Variants in SEMA6D observed in about 807,000 individuals in gnomAD.
SEMA6D encodes the protein semaphorin 6D.
A neutral mutation model predicts 106.6 loss-of-function variants in SEMA6D; 35 were observed. The observed-to-expected ratio is 0.33, with a 90% CI of 0.25 to 0.44. The LOEUF is 0.44. Among genes scored for constraint, SEMA6D ranks in the 20% least tolerant of loss-of-function variants. SEMA6D has a pLI of 1.00. For missense variants in SEMA6D, 1,185 were observed against 1,345.9 expected, an observed-to-expected ratio of 0.88 and a Z score of 1.87; for synonymous variants, 499 against 487.7, an observed-to-expected ratio of 1.02 and a Z score of -0.31.
At chr15:47,678,246 A>G (rs2078283352) in intron 4 of SEMA6D, among the ~76,000 whole-genome samples, 1 of 152,100 alleles carries the variant, frequency 6.6e-6, no homozygotes, top group Admixed American at 6.6e-5. Context: ...TCATCTAGAG[A>G]TTAAATTATT....
intron 1 of SEMA6D, among the ~76,000 whole-genome samples, chr15:47,747,410 TTATTAATATGTAA>T (rs2081205083): frequency 4.6e-5 from 7 of 152,190 alleles, no homozygotes; most frequent in Admixed American, 3.3e-4. Context: ...CCTTTCTGAA[TTATTAATATGTAA>T]CCAAAGTATT....
At chr15:47,700,924 T>A (rs1721535153) in intron 4 of SEMA6D, among the ~76,000 whole-genome samples, 1 of 152,142 alleles carries the variant, frequency 6.6e-6, no homozygotes, top group Non-Finnish European at 1.5e-5. Flanking sequence ...AAAAAAACAT[T>A]AATCTAGACA....
chr15:47,689,797 A>C (rs752370707), intron 4 of SEMA6D, among the ~76,000 whole-genome samples: 1 of 152,206 alleles, frequency 6.6e-6, no homozygotes, highest in Non-Finnish European at 1.5e-5. Flanking sequence ...TCTTCTGGGC[A>C]TGTCTCTCCG....
intron 1 of SEMA6D, among the ~76,000 whole-genome samples, chr15:47,754,821 C>T (rs945454179): frequency 5.3e-5 from 8 of 152,080 alleles, no homozygotes; most frequent in African/African-American, 1.9e-4. Context: ...ACTTTTTGCT[C>T]TCCATATTTC....
chr15:47,713,674 C>T (rs1020921023), upstream of SEMA6D, among the ~76,000 whole-genome samples: 34 of 152,160 alleles, frequency 2.2e-4, no homozygotes, highest in Non-Finnish European at 3.7e-4. Context: ...TATTTTGAAA[C>T]ATGAAATTCT....
At chr15:47,591,355 C>T (rs536520354) in intron 3 of SEMA6D, among the ~76,000 whole-genome samples, 1 of 152,102 alleles carries the variant, frequency 6.6e-6, no homozygotes, top group Admixed American at 6.6e-5. Flanking sequence ...AAACATGCAA[C>T]CCAGTAGCAC....
chr15:47,545,338 C>T (rs2045487689), intron 3 of SEMA6D, among the ~76,000 whole-genome samples: 1 of 152,040 alleles, frequency 6.6e-6, no homozygotes, highest in South Asian at 2.1e-4. Flanking sequence ...CATCAATTTC[C>T]ACTGTAACTA....
In SEMA6D at chr15:47,242,390, C is replaced by T. The variant is rs532617219; in HGVS notation, c.-239+57972C>T. On this transcript the variant is annotated intron_variant, in intron 1 of 19. Transcript: ENST00000558014. ...ACCAAGGTTTTAAATGCAGAACAGC[C>T]ACAGGATCCTCAAAGCTGAGCTGCT... Among the ~76,000 whole-genome samples, 33 of 152,186 alleles carry T rather than the reference C, an allele frequency of 2.2e-4. 1 individual carries two copies. The highest frequency in any genetic ancestry group is 6.5e-4 in the African/African-American group (27 of 41,520).
chr15:47,409,871 T>G (rs544874861), intron 1 of SEMA6D, among the ~76,000 whole-genome samples: 1 of 134,834 alleles, frequency 7.4e-6, no homozygotes, highest in Non-Finnish European at 1.6e-5. Flanking sequence ...AGTAAATTCA[T>G]AAAATTTGCA....
At chr15:47,425,365 C>T (rs547337871) in intron 2 of SEMA6D, among the ~76,000 whole-genome samples, 1 of 151,976 alleles carries the variant, frequency 6.6e-6, no homozygotes, top group South Asian at 2.1e-4. Context: ...CTGAGGCTGC[C>T]TCTAAGACCT....
At chr15:47,618,342 G>A (rs544774026) in intron 4 of SEMA6D, among the ~76,000 whole-genome samples, 3 of 152,312 alleles carry the variant, frequency 2.0e-5, no homozygotes, top group South Asian at 2.1e-4. Flanking sequence ...CCCTCTGACC[G>A]AGGCTCTAAA....
chr15:47,355,713 A>G (rs1447355221), intron 1 of SEMA6D, among the ~76,000 whole-genome samples: 2 of 152,194 alleles, frequency 1.3e-5, no homozygotes, highest in Non-Finnish European at 2.9e-5. Flanking sequence ...AGAACCCAAT[A>G]CACTTGACTG....
At chr15:47,588,058 C>T (rs1325134452) in intron 3 of SEMA6D, among the ~76,000 whole-genome samples, 2 of 152,168 alleles carry the variant, frequency 1.3e-5, no homozygotes, top group Non-Finnish European at 2.9e-5. Flanking sequence ...AGAAATTCCC[C>T]TGACACTCAT....
chr15:47,315,722 T>G (rs1008691237), intron 1 of SEMA6D, among the ~76,000 whole-genome samples: 3 of 152,218 alleles, frequency 2.0e-5, no homozygotes, highest in African/African-American at 7.2e-5. Context: ...AGTCTTTCTG[T>G]CCTTGAATAT....
intron 1 of SEMA6D, among the ~76,000 whole-genome samples, chr15:47,364,507 A>G (rs1464269059): frequency 5.3e-5 from 8 of 152,206 alleles, no homozygotes; most frequent in Non-Finnish European, 1.2e-4. Flanking sequence ...CAGCAGCATA[A>G]TTACCATTAT....
chr15:47,518,085 A>G (rs2044445465), intron 3 of SEMA6D, among the ~76,000 whole-genome samples: 1 of 152,154 alleles, frequency 6.6e-6, no homozygotes, highest in African/African-American at 2.4e-5. Flanking sequence ...AATGATAGAG[A>G]GATTAGGACA....
chr15:47,684,420 G>A (rs922922077), intron 4 of SEMA6D, among the ~76,000 whole-genome samples: 8 of 151,668 alleles, frequency 5.3e-5, no homozygotes, highest in South Asian at 2.1e-4. Flanking sequence ...TTTAGTTATC[G>A]CTGTATCAGA....
chr15:47,687,708 G>C (rs2078499232), intron 4 of SEMA6D, among the ~76,000 whole-genome samples: 1 of 152,144 alleles, frequency 6.6e-6, no homozygotes, highest in African/African-American at 2.4e-5. Context: ...CCCGGCAACA[G>C]AGGCTGACAG....
intron 4 of SEMA6D, among the ~76,000 whole-genome samples, chr15:47,621,316 C>CA (rs2077094453): frequency 6.6e-6 from 1 of 152,176 alleles, no homozygotes; most frequent in South Asian, 2.1e-4. Context: ...AAACTGCAGT[C>CA]ACGATCAGAA....
Sources: allele counts gnomAD v4.1 joint callset (sites outside exome capture counted in the v4.1 genomes callset), GRCh38; gene constraint gnomAD v4.1.1; transcripts MANE v1.5; gene names NCBI Gene and HGNC (gene_info 2026-07-23, HGNC 2026-07-21).